The following PALM2AKAP2 variants were observed in gnomAD, a reference collection of about 807,000 sequenced individuals.
PALM2AKAP2 encodes the protein PALM2 and AKAP2 fusion.
In PALM2AKAP2, 37 loss-of-function variants were observed where a neutral mutation model predicts 71.5. The ratio of observed to expected loss-of-function variants is 0.52; its 90% CI spans 0.40 to 0.68. The LOEUF (loss-of-function observed/expected upper bound fraction) is 0.68, where lower values mean the gene tolerates loss of function less well. PALM2AKAP2 is among the 30% of genes least tolerant of loss of function. PALM2AKAP2 has a pLI of 0.00. For synonymous variants in PALM2AKAP2, 468 were observed against 478.8 expected, an observed-to-expected ratio of 0.98 and a Z score of 0.29; for missense variants, 1,224 against 1,191.8, an observed-to-expected ratio of 1.03 and a Z score of -0.40.
chr9:110,128,194 TC>T (rs1835657861), intron 1 of PALM2AKAP2, among the ~76,000 whole-genome samples: 1 of 152,204 alleles, frequency 6.6e-6, no homozygotes, highest in African/African-American at 2.4e-5. Flanking sequence ...CAGGTGCACT[TC>T]CTTCCATCCC....
At chr9:109,676,391 T>A (rs1328879006) in intron 1 of PALM2AKAP2, among the ~76,000 whole-genome samples, 1 of 152,182 alleles carries the variant, frequency 6.6e-6, no homozygotes, top group Admixed American at 6.6e-5. Flanking sequence ...GGCACCTTAA[T>A]GAAGATAGGG....
chr9:109,776,760 A>G (rs1654351934), upstream of PALM2AKAP2, among the ~76,000 whole-genome samples: 1 of 152,202 alleles, frequency 6.6e-6, no homozygotes, highest in Admixed American at 6.5e-5. Context: ...AGTCTGTTAC[A>G]CTTCCTACCT....
At chr9:110,170,793 A>AG (rs1430022621) in exon 4 of PALM2AKAP2, 1 of 152,240 alleles carries the variant, frequency 6.6e-6, no homozygotes, top group Admixed American at 6.5e-5. Context: ...CTCAGGAAGG[A>AG]GGATCGTCTT....
chr9:110,154,621 A>C (rs1357989527), intron 2 of PALM2AKAP2, among the ~76,000 whole-genome samples: 1 of 152,200 alleles, frequency 6.6e-6, no homozygotes, highest in African/African-American at 2.4e-5. Context: ...GTTTCTAGTG[A>C]ACTTGGAGAT....
intron 1 of PALM2AKAP2, among the ~76,000 whole-genome samples, chr9:110,072,568 G>T (rs1478734300): frequency 6.6e-6 from 1 of 152,240 alleles, no homozygotes; most frequent in Admixed American, 6.5e-5. Context: ...GATGGCGGTA[G>T]ATGAAGAAGC....
intron 3 of PALM2AKAP2, among the ~76,000 whole-genome samples, chr9:109,912,897 T>C (rs774083728): frequency 1.3e-5 from 2 of 152,262 alleles, no homozygotes; most frequent in Non-Finnish European, 2.9e-5. Flanking sequence ...GATTAGTTTT[T>C]ATTCTTTGAG....
chr9:109,849,756 C>CA (rs1165745402), intron 1 of PALM2AKAP2, among the ~76,000 whole-genome samples: 1 of 151,486 alleles, frequency 6.6e-6, no homozygotes, highest in Non-Finnish European at 1.5e-5. Context: ...AACTCTGTCT[C>CA]AAAAAACAAA....
At chr9:109,751,828 G>T (rs761538868) in intron 1 of PALM2AKAP2, among the ~76,000 whole-genome samples, 26 of 152,162 alleles carry the variant, frequency 1.7e-4, no homozygotes, top group Non-Finnish European at 1.5e-5. Context: ...GAACTCATTT[G>T]TTCAAATGCC....
intron 7 of PALM2AKAP2, among the ~76,000 whole-genome samples, chr9:110,027,849 G>C (rs1390290435): frequency 2.6e-5 from 4 of 152,170 alleles, no homozygotes; most frequent in Non-Finnish European, 5.9e-5. Context: ...GTTGCCAGTG[G>C]TGTCCAGCCG....
intron 4 of PALM2AKAP2, 136 bp from the exon 5 acceptor site, chr9:109,924,925 C>A (rs1037436393): frequency 2.2e-5 from 27 of 1,229,062 alleles, no homozygotes; most frequent in Non-Finnish European, 3.1e-5. Flanking sequence ...GAAAAGAGAT[C>A]GTTGCGTTTC....
intron 1 of PALM2AKAP2, among the ~76,000 whole-genome samples, chr9:109,759,781 T>G: frequency 6.6e-6 from 1 of 152,178 alleles, no homozygotes; most frequent in Non-Finnish European, 1.5e-5. Context: ...TTATTATAGT[T>G]AGTTATGTAC....
chr9:109,799,018 T>C (rs569461166), intron 1 of PALM2AKAP2, among the ~76,000 whole-genome samples: 4 of 152,244 alleles, frequency 2.6e-5, no homozygotes, highest in African/African-American at 9.6e-5. Context: ...TCTCAAAGAC[T>C]CACGGATCCC....
At chr9:109,691,897 TATATAC>T (rs1250432929) in intron 1 of PALM2AKAP2, among the ~76,000 whole-genome samples, 23 of 61,562 alleles carry the variant, frequency 3.7e-4, no homozygotes, top group East Asian at 2.6e-3. Context: ...TATATATATA[TATATAC>T]ACACACACAT....
intron 1 of PALM2AKAP2, among the ~76,000 whole-genome samples, chr9:110,125,955 C>G (rs542481188): frequency 2.0e-5 from 3 of 152,120 alleles, no homozygotes; most frequent in Non-Finnish European, 4.4e-5. Flanking sequence ...AGAACAAAAC[C>G]AAGTGACTCG....
At chr9:109,840,842 G>A (rs1828641619) in intron 1 of PALM2AKAP2, among the ~76,000 whole-genome samples, 1 of 152,172 alleles carries the variant, frequency 6.6e-6, no homozygotes, top group Admixed American at 6.5e-5. Context: ...CAGTTAGAAT[G>A]GCGATCATTA....
chr9:109,831,343 A>C (rs2131539387), intron 1 of PALM2AKAP2, among the ~76,000 whole-genome samples: 1 of 152,076 alleles, frequency 6.6e-6, no homozygotes, highest in Non-Finnish European at 1.5e-5. Context: ...TGCTTCATTC[A>C]CCTTTCAGCC....
At chr9:109,653,747 C>T (rs1827257457) in intron 1 of PALM2AKAP2, among the ~76,000 whole-genome samples, 1 of 152,152 alleles carries the variant, frequency 6.6e-6, no homozygotes, top group South Asian at 2.1e-4. Flanking sequence ...TAGCAACATT[C>T]TCAGTGCAAA....
At chr9:110,041,505 C>T (rs1363209056) in intron 7 of PALM2AKAP2, among the ~76,000 whole-genome samples, 2 of 152,012 alleles carry the variant, frequency 1.3e-5, no homozygotes. Context: ...GCTCAAGCAG[C>T]TGCGGTGAAT....
intron 1 of PALM2AKAP2, among the ~76,000 whole-genome samples, chr9:109,731,972 C>T (rs1036179167): frequency 6.6e-5 from 10 of 152,282 alleles, no homozygotes; most frequent in African/African-American, 1.2e-4. Context: ...CCACAAATAA[C>T]GTCCTGGCCA....
Sources: gnomAD v4.1 joint callset for allele counts (sites outside exome capture counted in the v4.1 genomes callset) on GRCh38, gnomAD v4.1.1 for gene constraint, MANE v1.5 for transcripts, NCBI Gene and HGNC (gene_info 2026-07-23, HGNC 2026-07-21) for gene names.